DCDC2C: variants seen among roughly 807,000 people sequenced by gnomAD.
DCDC2C encodes doublecortin domain-containing protein 2C.
In DCDC2C, 44 loss-of-function variants were observed where a neutral mutation model predicts 45.0. The observed-to-expected ratio is 0.98, with a 90% CI of 0.77 to 1.26. DCDC2C has a LOEUF of 1.26. DCDC2C is among the 50% of genes most tolerant of loss of function. The pLI, the probability that DCDC2C is intolerant of heterozygous loss-of-function variation, is 0.00. For synonymous variants in DCDC2C, 187 were observed against 178.8 expected, an observed-to-expected ratio of 1.05 and a Z score of -0.37; for missense variants, 447 against 468.9, an observed-to-expected ratio of 0.95 and a Z score of 0.43.
At chr2:3,829,028 C>T (rs915360884) in intron 10 of DCDC2C, among the ~76,000 whole-genome samples, 1 of 152,194 alleles carries the variant, frequency 6.6e-6, no homozygotes, top group Non-Finnish European at 1.5e-5. Flanking sequence ...ATTATTTTCA[C>T]TATCATTTTT....
At position 3,769,350 on chromosome 2, in the gene DCDC2C, C is replaced by T. The variant is rs767749965; in HGVS notation, c.893C>T (p.Thr298Ile). ...AAAGCACCGACTCCTAGCAAGGAAACCCAAGGGGCGCTGGACGTCAAAGAG... is the reference window on the plus strand; with the variant it reads ...AAAGCACCGACTCCTAGCAAGGAAATCCAAGGGGCGCTGGACGTCAAAGAG... The part of the protein sequence containing the change: ...VYKAPTPSKE[T>I]QGALDVKEEH... Residue 298 changes from threonine to isoleucine, a missense_variant, in exon 8 of 11, where the codon ACC (threonine) becomes ATC (isoleucine). Coordinates refer to ENST00000399143, the MANE Select transcript of DCDC2C (RefSeq NM_001287444.2). 1 of 1,550,620 alleles carries T rather than the reference C, an allele frequency of 6.4e-7. No individual in the cohort carries two copies. The highest frequency in any genetic ancestry group is 8.7e-7 in the Non-Finnish European group (1 of 1,146,978).
At chr2:3,788,743 G>A (rs1670720957) in intron 10 of DCDC2C, among the ~76,000 whole-genome samples, 2 of 152,038 alleles carry the variant, frequency 1.3e-5, no homozygotes, top group South Asian at 4.2e-4. Context: ...GCCTGTTAAC[G>A]TCCTTTGTTA....
intron 4 of DCDC2C, among the ~76,000 whole-genome samples, chr2:3,749,651 G>C (rs895713560): frequency 6.6e-6 from 1 of 152,208 alleles, no homozygotes; most frequent in Non-Finnish European, 1.5e-5. Context: ...TGAACCGTTT[G>C]TTCCTCCAGC....
chr2:3,737,799 A>G (rs1335528028), intron 3 of DCDC2C, among the ~76,000 whole-genome samples: 1 of 152,188 alleles, frequency 6.6e-6, no homozygotes, highest in African/African-American at 2.4e-5. Context: ...ACCAAAACCC[A>G]TTCCTGGACC....
At chr2:3,777,729 A>G (rs1670384498) in intron 8 of DCDC2C, among the ~76,000 whole-genome samples, 1 of 152,226 alleles carries the variant, frequency 6.6e-6, no homozygotes, top group Non-Finnish European at 1.5e-5. Context: ...GGGGTCTGCC[A>G]TACTGAAGAC....
chr2:3,723,020 G>A (rs1057200222), intron 2 of DCDC2C, among the ~76,000 whole-genome samples: 25 of 152,124 alleles, frequency 1.6e-4, no homozygotes, highest in Admixed American at 9.2e-4. Context: ...ATGATAATAG[G>A]GTAGAATGGA....
In DCDC2C at chr2:3,839,081, A is replaced by G. The variant is rs894544371; in HGVS notation, c.1066-8073A>G. Reference sequence around the variant, plus strand: ...TAGGTTAACCTGTTAATCTAGGGCCACAGGGGGACAGGAAAGCCTTCAAGC... The same window carrying G: ...TAGGTTAACCTGTTAATCTAGGGCCGCAGGGGGACAGGAAAGCCTTCAAGC... On this transcript the variant is annotated intron_variant, in intron 10 of 10. Transcript: ENST00000399143. Among the ~76,000 whole-genome samples the G allele has an allele frequency of 2.0e-5, 3 of 152,206 alleles. No homozygotes were observed. The South Asian group carries it at 6.2e-4, about 32-fold the overall frequency.
At chr2:3,738,151 T>A (rs1325785969) in intron 3 of DCDC2C, among the ~76,000 whole-genome samples, 1 of 152,212 alleles carries the variant, frequency 6.6e-6, no homozygotes. Context: ...AAAATCTACA[T>A]TTGAACTGAT....
chr2:3,704,951 TTC>T (rs1461584508), intron 1 of DCDC2C, among the ~76,000 whole-genome samples: 3 of 152,178 alleles, frequency 2.0e-5, no homozygotes, highest in East Asian at 1.9e-4. Context: ...TCTCTCCTGA[TTC>T]TCTGTTTCCT....
At chr2:3,759,980 C>T (rs1226219809) in intron 6 of DCDC2C, among the ~76,000 whole-genome samples, 1 of 152,244 alleles carries the variant, frequency 6.6e-6, no homozygotes, top group African/African-American at 2.4e-5. Flanking sequence ...CCTCTGACCT[C>T]TGCACTTGGA....
rs7558305 is a variant in DCDC2C, at chr2:3,797,762, C to A, written c.1065+12662C>A. 7.7e-3 allele frequency among the ~76,000 whole-genome samples: 1,172 copies of A among 152,010 alleles called. 12 individuals carry two copies. Among genetic ancestry groups the A allele is most frequent in the African/African-American group, 0.027 (1,126 of 41,458 alleles). ...ATTTGTTATAATTTCTGTTCTTTTA[C>A]ATTTGCTGAGGAGAGCTTTACTTCC... On this transcript the variant is annotated intron_variant, in intron 10 of 10. Coordinates refer to ENST00000399143, the MANE Select transcript of DCDC2C (RefSeq NM_001287444.2).
intron 10 of DCDC2C, among the ~76,000 whole-genome samples, chr2:3,846,319 G>A (rs1558253168): frequency 1.3e-5 from 2 of 150,550 alleles, no homozygotes; most frequent in Admixed American, 1.3e-4. Flanking sequence ...TCACTCTGTC[G>A]CTCAGGCTGG....
At chr2:3,708,488 C>T in intron 1 of DCDC2C, 61 bp from the exon 2 acceptor site, 1 of 1,351,426 alleles carries the variant, frequency 7.4e-7, no homozygotes, top group Non-Finnish European at 1.0e-6. Context: ...TCTAAGGAGT[C>T]TGGAACTTTC....
chr2:3,801,922 G>C (rs11696104), intron 10 of DCDC2C, among the ~76,000 whole-genome samples: 32,795 of 152,234 alleles, frequency 0.22, 3,713 homozygotes, highest in South Asian at 0.36. Flanking sequence ...AGCTGTCCTT[G>C]TTGACCCTTC....
chr2:3,827,801 G>C (rs565152393), intron 10 of DCDC2C, among the ~76,000 whole-genome samples: 1 of 152,286 alleles, frequency 6.6e-6, no homozygotes, highest in Non-Finnish European at 1.5e-5. Flanking sequence ...CATTGGAGCA[G>C]AAGTGCATTT....
Position 3,780,226 on chromosome 2 carries a change from C to A in DCDC2C, c.1023+1342C>A, listed in dbSNP as rs114051509. 1.1e-3 allele frequency among the ~76,000 whole-genome samples: 162 copies of A among 152,252 alleles called. 2 individuals carry two copies. The highest frequency in any genetic ancestry group is 3.7e-3 in the African/African-American group (154 of 41,532). On this transcript the variant is annotated intron_variant, in intron 9 of 10. Coordinates refer to ENST00000399143, the MANE Select transcript of DCDC2C (RefSeq NM_001287444.2). ...AGAGCATTAGGCTAAGAGGGGCAAACAAGCCACCGGCTTACCTGGCTTACC... is the reference window on the plus strand; with the variant it reads ...AGAGCATTAGGCTAAGAGGGGCAAAAAAGCCACCGGCTTACCTGGCTTACC...
At chr2:3,713,639 A>G (rs979293925) in intron 2 of DCDC2C, among the ~76,000 whole-genome samples, 22 of 152,218 alleles carry the variant, frequency 1.4e-4, no homozygotes, top group African/African-American at 5.3e-4. Context: ...GGATGTTTAC[A>G]GTAGCATTTT....
chr2:3,729,929 G>T (rs1392253395), intron 3 of DCDC2C, among the ~76,000 whole-genome samples: 2 of 152,142 alleles, frequency 1.3e-5, no homozygotes, highest in South Asian at 2.1e-4. Context: ...GTTGTCATAG[G>T]CCAGAGTTCT....
rs1672262888 is a variant in DCDC2C at position 3,843,553 on chromosome 2, T to A, written c.1066-3601T>A. Among the ~76,000 whole-genome samples the A allele has an allele frequency of 5.9e-5, 9 of 152,180 alleles. No homozygotes were observed. The South Asian group carries it at 1.9e-3, about 31-fold the overall frequency. Reference sequence around the variant, plus strand: ...ATGGCATTCATCCCCATAGGAAAGGTAATGTTAGCATCAGGAAATGTAGTT... The same window carrying A: ...ATGGCATTCATCCCCATAGGAAAGGAAATGTTAGCATCAGGAAATGTAGTT... On this transcript the variant is annotated intron_variant, in intron 10 of 10. Transcript: ENST00000399143.
Sources: gnomAD v4.1 joint callset for allele counts (sites outside exome capture counted in the v4.1 genomes callset) on GRCh38, gnomAD v4.1.1 for gene constraint, MANE v1.5 for transcripts, NCBI Gene and HGNC (gene_info 2026-07-23, HGNC 2026-07-21) for gene names.